SP1: variants seen among roughly 807,000 people sequenced by gnomAD.
SP1 encodes transcription factor Sp1.
A neutral mutation model predicts 66.3 loss-of-function variants in SP1; 6 were observed. That is an observed-to-expected ratio of 0.09 (90% CI 0.05 to 0.18). The LOEUF (loss-of-function observed/expected upper bound fraction) is 0.18. Among genes scored for constraint, SP1 ranks in the 10% least tolerant of loss-of-function variants. The pLI, the probability that SP1 is intolerant of heterozygous loss-of-function variation, is 1.00. For synonymous variants in SP1, 417 were observed against 360.8 expected, an observed-to-expected ratio of 1.16 and a Z score of -1.77; for missense variants, 848 against 964.5, an observed-to-expected ratio of 0.88 and a Z score of 1.60.
chr12:53,393,953 G>A (rs1424747672), intron 3 of SP1, among the ~76,000 whole-genome samples: 1 of 151,562 alleles, frequency 6.6e-6, no homozygotes, highest in African/African-American at 2.4e-5. Flanking sequence ...GGTGCCTCAC[G>A]CCTGTAACCC....
chr12:53,390,017 C>T (rs955329535), intron 3 of SP1, among the ~76,000 whole-genome samples: 1 of 152,054 alleles, frequency 6.6e-6, no homozygotes, highest in Non-Finnish European at 1.5e-5. Context: ...GGTTGGTTTG[C>T]CAAGGGTGTC....
In SP1 at chr12:53,382,688, A is replaced by G. The variant is rs143168339; in HGVS notation, c.741A>G (p.Ser247=). ...AAGGCCTGGCTAATAATGTACTCTC[A>G]GGACAGACTCAGTATGTGACCAATG... The part of the protein sequence containing the change: ...PLQGLANNVL[S]GQTQYVTNVP... Residue 247 remains serine, a synonymous_variant, in exon 3 of 6, where the codon TCA becomes TCG. Coordinates refer to ENST00000327443, the MANE Select transcript of SP1 (RefSeq NM_138473.3). 2.5e-5 allele frequency: 41 copies of G among 1,613,650 alleles called. No homozygotes were observed. In the African/African-American group the frequency reaches 5.3e-4, roughly 21 times the overall value.
chr12:53,411,142 A>T lies in SP1; in HGVS notation c.2260A>T (p.Ile754Phe). ...ITTNMVAMEA[I>F]CPEGIARLAN... ...CACCAATATGGTAGCCATGGAGGCC[A>T]TCTGTCCAGAGGGCATTGCCCGTCT... Residue 754 changes from isoleucine to phenylalanine, a missense_variant, in exon 6 of 6, where the codon ATC becomes TTC. Ile to Phe is a conservative substitution (Grantham distance 21, BLOSUM62 0). Transcript: ENST00000327443. The T allele has an allele frequency of 6.2e-7, 1 of 1,614,034 alleles. No homozygotes were observed. The highest frequency in any genetic ancestry group is 1.3e-5 in the African/African-American group (1 of 75,046).
intron 5 of SP1, among the ~76,000 whole-genome samples, chr12:53,409,978 C>A (rs1289782198): frequency 6.6e-6 from 1 of 151,820 alleles, no homozygotes; most frequent in Non-Finnish European, 1.5e-5. Flanking sequence ...CCACTGCACT[C>A]CAGCCTGGGC....
chr12:53,406,531 G>GC, intron 3 of SP1, 54 bp from the exon 4 acceptor site: 2 of 1,436,766 alleles, frequency 1.4e-6, no homozygotes, highest in Non-Finnish European at 9.8e-7. Context: ...TCACTGAGAT[G>GC]CCAGTGATAA....
rs2136924534 is a variant in SP1 at position 53,414,300 on chromosome 12, G to T, written c.*3060G>T. The T allele has an allele frequency of 6.6e-6, 1 of 152,614 alleles. No individual in the cohort carries two copies. The highest frequency in any genetic ancestry group is 1.5e-5 in the Non-Finnish European group (1 of 68,020). The allele number at this position is 152,614 out of a possible 1,614,324, so 9.5% of individuals were successfully genotyped here. ...TTCCCTCATCCTTTCAGGTTTTCAG[G>T]TTGCCCATTTATATTCATTTACATG... On this transcript the variant is annotated 3_prime_UTR_variant, in exon 6 of 6. Coordinates refer to ENST00000327443, the MANE Select transcript of SP1 (RefSeq NM_138473.3).
At position 53,383,133 on chromosome 12, in the gene SP1, C is replaced by A. The variant is rs1319820010; in HGVS notation, c.1186C>A (p.Gln396Lys). The A allele has an allele frequency of 6.2e-7, 1 of 1,614,106 alleles. No homozygotes were observed. Among genetic ancestry groups the A allele is most frequent in the African/African-American group, 1.3e-5 (1 of 74,926 alleles). Residue 396 changes from glutamine to lysine, a missense_variant, in exon 3 of 6, where the codon CAG becomes AAG. This residue lies in a region of SP1 where 606 missense variants were observed against 589.9 expected (regional missense o/e 1.03). Transcript: ENST00000327443. ...AGGAGAGCAAAACCAGCAGACACAG[C>A]AGCAACAAATTCTTATCCAGCCTCA... is the stretch of plus-strand genomic sequence containing the variant. ...KEGEQNQQTQ[Q>K]QQILIQPQLV...
rs547576226 is a variant in SP1 at position 53,411,568 on chromosome 12, T to TC, written c.*336dup. 110 of 193,214 alleles carry TC rather than the reference T, an allele frequency of 5.7e-4. No homozygotes were observed. Among genetic ancestry groups the TC allele is most frequent in the African/African-American group, 1.7e-3 (74 of 42,462 alleles). The allele number at this position is 193,214 out of a possible 1,614,324, so 12.0% of individuals were successfully genotyped here. On this transcript the variant is annotated 3_prime_UTR_variant, in exon 6 of 6. Transcript: ENST00000327443. The stretch of plus-strand genomic sequence containing the variant: ...TCTTCTCAGCTCTTCCATGATGGAT[T>TC]CCCCCCCCTTTCCTAAAGCCATCAT...
chr12:53,392,685 G>A (rs1483517750), intron 3 of SP1, among the ~76,000 whole-genome samples: 1 of 151,656 alleles, frequency 6.6e-6, no homozygotes, highest in Non-Finnish European at 1.5e-5. Flanking sequence ...AGTAGAGATG[G>A]GGTTTCACCA....
chr12:53,383,077 G>A lies in SP1; in HGVS notation c.1130G>A (p.Gly377Glu), dbSNP rs151182001. 2 of 1,614,050 alleles carry A rather than the reference G, an allele frequency of 1.2e-6. No homozygotes were observed. Among genetic ancestry groups the A allele is most frequent in the African/African-American group, 2.7e-5 (2 of 74,914 alleles). ...ALNIQQNQTS[G>E]GSLQAGQQKE... ...AACATCCAGCAAAACCAGACATCTG[G>A]AGGCTCATTGCAAGCAGGCCAGCAA... The change falls in exon 3 of 6, where the codon GGA becomes GAA. Residue 377 changes from glycine to glutamate, a missense_variant. Gly to Glu is a moderately conservative substitution (Grantham distance 98). Around this residue, in one of 7 missense-constraint regions of SP1, gnomAD observed 606 missense variants for 589.9 expected, o/e 1.03. Coordinates refer to ENST00000327443, the MANE Select transcript of SP1 (RefSeq NM_138473.3).
At chr12:53,385,912 CAAAA>C (rs201937295) in intron 3 of SP1, among the ~76,000 whole-genome samples, 1 of 101,984 alleles carries the variant, frequency 9.8e-6, no homozygotes. Flanking sequence ...GACTCCGTCT[CAAAA>C]AAAAAAAAAA....
At chr12:53,396,244 G>C (rs1486673838) in intron 3 of SP1, among the ~76,000 whole-genome samples, 1 of 150,134 alleles carries the variant, frequency 6.7e-6, no homozygotes, top group African/African-American at 2.5e-5. Context: ...TCGCGCCACT[G>C]CACTCCAGCC....
intron 3 of SP1, among the ~76,000 whole-genome samples, chr12:53,401,581 C>T (rs2364598): frequency 5.3e-5 from 8 of 151,678 alleles, no homozygotes; most frequent in Non-Finnish European, 1.2e-4. Context: ...ATATGTTCAT[C>T]ATAATCATTA....
intron 3 of SP1, among the ~76,000 whole-genome samples, chr12:53,404,528 G>A (rs955351774): frequency 2.1e-5 from 3 of 146,020 alleles, no homozygotes; most frequent in Non-Finnish European, 3.0e-5. Context: ...GGCAACAAGA[G>A]TGTAACTCAG....
rs146062441 is a variant in SP1, at chr12:53,385,594, CA to C, written c.1675+1986del. On this transcript the variant is annotated intron_variant, in intron 3 of 5. Transcript: ENST00000327443. ...TGGGTGACAGAGCGAGACTCCGTCT[CA>C]AAAAAAAAAAAAATAAATAAAAATA... Among the ~76,000 whole-genome samples, 395 of 111,506 alleles carry C rather than the reference CA, an allele frequency of 3.5e-3. 1 individual carries two copies. The highest frequency in any genetic ancestry group is 9.6e-3 in the Middle Eastern group (2 of 208). 73.2% of individuals were successfully genotyped at this position (111,506 alleles called of 152,430 possible).
chr12:53,393,760 G>A (rs1449311636), intron 3 of SP1, among the ~76,000 whole-genome samples: 8 of 151,586 alleles, frequency 5.3e-5, no homozygotes, highest in Non-Finnish European at 1.0e-4. Flanking sequence ...ACCATGCCCA[G>A]CTAATTTTTG....
intron 3 of SP1, among the ~76,000 whole-genome samples, chr12:53,402,778 A>C (rs111698831): frequency 0.13 from 19,357 of 151,662 alleles, 4,126 homozygotes; most frequent in African/African-American, 0.44. Context: ...CAGCCTGGCC[A>C]ATATGGTGAA....
chr12:53,400,676 C>A (rs974104166), intron 3 of SP1, among the ~76,000 whole-genome samples: 1 of 151,918 alleles, frequency 6.6e-6, no homozygotes, highest in Non-Finnish European at 1.5e-5. Context: ...GCAACCTCCA[C>A]CTCCCGGGTT....
intron 4 of SP1, among the ~76,000 whole-genome samples, chr12:53,409,118 G>A (rs1282112718): frequency 6.6e-6 from 1 of 151,876 alleles, no homozygotes; most frequent in Non-Finnish European, 1.5e-5. Flanking sequence ...CCAGCTACTC[G>A]GGAGGCTGAG....
Sources: gnomAD v4.1 joint callset for allele counts (sites outside exome capture counted in the v4.1 genomes callset) on GRCh38, gnomAD v4.1.1 for gene constraint, gnomAD v4.1.1 regional missense constraint, MANE v1.5 for transcripts, NCBI Gene and HGNC (gene_info 2026-07-23, HGNC 2026-07-21) for gene names.